Variants in NLRP4 observed in about 807,000 individuals in gnomAD.
The protein encoded by NLRP4 is NACHT, LRR and PYD domains-containing protein 4.
Under a neutral mutation model 84.7 loss-of-function variants are expected in NLRP4, and 44 were observed. The observed-to-expected ratio is 0.52, with a 90% confidence interval of 0.41 to 0.67. The LOEUF (loss-of-function observed/expected upper bound fraction) is 0.67, where lower values mean the gene tolerates loss of function less well. Ranked by LOEUF, NLRP4 falls within the 30% of genes least tolerant of loss-of-function variation. The probability of loss-of-function intolerance (pLI) is 0.00; values close to 1 mark genes in which losing one functional copy is unlikely to be tolerated. For missense variants in NLRP4, 1,260 were observed against 1,219.4 expected, an observed-to-expected ratio of 1.03 and a Z score of -0.50; for synonymous variants, 544 against 476.4, an observed-to-expected ratio of 1.14 and a Z score of -1.85.
intron 7 of NLRP4, among the ~76,000 whole-genome samples, chr19:55,871,516 T>C (rs979126408): frequency 7.2e-5 from 11 of 152,178 alleles, no homozygotes; most frequent in Admixed American, 2.0e-4. Flanking sequence ...TAGAGAAATA[T>C]CTGGGTAACC....
intron 1 of NLRP4, among the ~76,000 whole-genome samples, chr19:55,850,768 T>TGCGGTGTAAGTC (rs1568659308): frequency 2.7e-5 from 1 of 37,278 alleles, no homozygotes; most frequent in Non-Finnish European, 4.3e-5. Context: ...CGGTGTAATT[T>TGCGGTGTAAGTC]CCGAGGCTGC....
chr19:55,873,216 C>T (rs302444), intron 7 of NLRP4, among the ~76,000 whole-genome samples: 78,959 of 151,762 alleles, frequency 0.52, 20,770 homozygotes, highest in Middle Eastern at 0.65. Context: ...GGGTAGATCT[C>T]TGGATAAATC....
chr19:55,850,080 G>A (rs1984003572), intron 1 of NLRP4, among the ~76,000 whole-genome samples: 1 of 146,734 alleles, frequency 6.8e-6, no homozygotes, highest in Non-Finnish European at 1.5e-5. Flanking sequence ...CGAGACTGCG[G>A]TGTAATTTCC....
At chr19:55,846,237 T>A (rs1226433953) in intron 1 of NLRP4, among the ~76,000 whole-genome samples, 3 of 152,256 alleles carry the variant, frequency 2.0e-5, no homozygotes, top group Non-Finnish European at 4.4e-5. Context: ...GCTTTCTACT[T>A]ACGGCTAGCC....
At chr19:55,840,056 A>G (rs1983548340) in intron 1 of NLRP4, among the ~76,000 whole-genome samples, 1 of 152,212 alleles carries the variant, frequency 6.6e-6, no homozygotes, top group Admixed American at 6.5e-5. Context: ...TGTAACTTAT[A>G]TTATTTGAAA....
chr19:55,847,743 C>G (rs1983853067), intron 1 of NLRP4, among the ~76,000 whole-genome samples: 1 of 140,062 alleles, frequency 7.1e-6, no homozygotes, highest in East Asian at 2.1e-4. Context: ...GAGATGGAGT[C>G]TCGCTCTGTT....
chr19:55,849,332 C>T (rs1053439085), intron 1 of NLRP4, among the ~76,000 whole-genome samples: 1 of 152,158 alleles, frequency 6.6e-6, no homozygotes, highest in Non-Finnish European at 1.5e-5. Flanking sequence ...GCTTCCAGGC[C>T]CTTGCATGAG....
chr19:55,837,227 G>C (rs1467781271), intron 1 of NLRP4, among the ~76,000 whole-genome samples: 1 of 152,038 alleles, frequency 6.6e-6, no homozygotes, highest in Non-Finnish European at 1.5e-5. Flanking sequence ...GGTGGGAGGA[G>C]GGAGAGGGTC....
chr19:55,879,005 G>C (rs536791596), intron 9 of NLRP4, 41 bp downstream of exon 9: 1 of 1,489,180 alleles, frequency 6.7e-7, no homozygotes, highest in South Asian at 1.2e-5. Context: ...AGAGTGCTCC[G>C]GGCTAAGAAG....
At chr19:55,860,387 A>T (rs1409844286) in intron 3 of NLRP4, among the ~76,000 whole-genome samples, 2 of 152,164 alleles carry the variant, frequency 1.3e-5, no homozygotes, top group African/African-American at 2.4e-5. Flanking sequence ...CCAGCCTGGG[A>T]AAAATAGCAG....
At chr19:55,867,918 G>A (rs191818050) in intron 6 of NLRP4, 42 bp downstream of exon 6, 13 of 1,586,644 alleles carry the variant, frequency 8.2e-6, no homozygotes, top group East Asian at 6.7e-5. Context: ...GGGCCATGGC[G>A]GCAGTTCAAA....
chr19:55,842,255 G>A (rs1303771848), intron 1 of NLRP4, among the ~76,000 whole-genome samples: 2 of 152,190 alleles, frequency 1.3e-5, no homozygotes, highest in Non-Finnish European at 2.9e-5. Flanking sequence ...CTTTGCCTCT[G>A]TACCATTGAG....
intron 2 of NLRP4, among the ~76,000 whole-genome samples, chr19:55,854,126 C>T (rs925923557): frequency 1.3e-5 from 2 of 152,002 alleles, no homozygotes; most frequent in African/African-American, 2.4e-5. Context: ...CCCGCCACCA[C>T]ACCCGGCTAA....
chr19:55,849,613 C>A (rs1983935483), intron 1 of NLRP4, among the ~76,000 whole-genome samples: 1 of 152,200 alleles, frequency 6.6e-6, no homozygotes, highest in Non-Finnish European at 1.5e-5. Context: ...GTTGTTCCAG[C>A]ACCATTTATG....
chr19:55,846,506 T>C (rs1055156850), intron 1 of NLRP4, among the ~76,000 whole-genome samples: 2 of 152,156 alleles, frequency 1.3e-5, no homozygotes, highest in African/African-American at 4.8e-5. Context: ...CCAAAGTCAT[T>C]CTTTAAGTCA....
intron 3 of NLRP4, among the ~76,000 whole-genome samples, chr19:55,860,001 T>C (rs528342503): frequency 6.7e-5 from 10 of 148,970 alleles, no homozygotes; most frequent in African/African-American, 1.2e-4. Context: ...TTTTTTTTTT[T>C]CTGAAATGGA....
intron 4 of NLRP4, 129 bp downstream of exon 4, chr19:55,861,676 A>T (rs1045252835): frequency 4.9e-6 from 4 of 809,930 alleles, no homozygotes; most frequent in African/African-American, 1.7e-5. Context: ...CAACCTCAGC[A>T]CTTACAGACA....
chr19:55,861,324 G>C, intron 3 of NLRP4, 62 bp from the exon 4 acceptor site: 1 of 1,410,038 alleles, frequency 7.1e-7, no homozygotes, highest in South Asian at 1.2e-5. Flanking sequence ...GTGCGTATAT[G>C]TGTTACAAGT....
chr19:55,838,158 C>T (rs956659961), intron 1 of NLRP4, among the ~76,000 whole-genome samples: 1 of 142,314 alleles, frequency 7.0e-6, no homozygotes, highest in African/African-American at 2.6e-5. Flanking sequence ...AAAAATTAGC[C>T]AACTGTGGTG....
Sources: gnomAD v4.1 joint callset for allele counts (sites outside exome capture counted in the v4.1 genomes callset) on GRCh38, gnomAD v4.1.1 for gene constraint, MANE v1.5 for transcripts, NCBI Gene and HGNC (gene_info 2026-07-23, HGNC 2026-07-21) for gene names.